CRNKL1: variants seen among roughly 807,000 people sequenced by gnomAD.
CRNKL1 encodes crooked neck-like protein 1.
In CRNKL1, 35 loss-of-function variants were observed where a neutral mutation model predicts 103.7. That is an observed-to-expected ratio of 0.34 (90% CI 0.26 to 0.45). CRNKL1 has a LOEUF of 0.45. Among genes scored for constraint, CRNKL1 ranks in the 20% least tolerant of loss-of-function variants. CRNKL1 has a pLI of 1.00. For missense variants in CRNKL1, 645 were observed against 836.0 expected, an observed-to-expected ratio of 0.77 and a Z score of 2.82; for synonymous variants, 267 against 282.6, an observed-to-expected ratio of 0.94 and a Z score of 0.55.
At chr20:20,041,303 G>A (rs2043510802) in intron 9 of CRNKL1, among the ~76,000 whole-genome samples, 1 of 152,204 alleles carries the variant, frequency 6.6e-6, no homozygotes, top group Admixed American at 6.5e-5. Flanking sequence ...TCTCTGCATG[G>A]ATGTCTTTCT....
intron 10 of CRNKL1, among the ~76,000 whole-genome samples, chr20:20,040,411 C>T (rs1426620362): frequency 6.6e-6 from 1 of 151,326 alleles, no homozygotes; most frequent in Non-Finnish European, 1.5e-5. Flanking sequence ...GATCAGATTA[C>T]TAATTCCAGT....
intron 6 of CRNKL1, 28 bp from the exon 7 acceptor site, chr20:20,043,690 T>C: frequency 1.3e-6 from 2 of 1,591,454 alleles, no homozygotes; most frequent in East Asian, 4.5e-5. Flanking sequence ...GATTACCTTC[T>C]ATAACACAAT....
In CRNKL1 at chr20:20,034,380, T is replaced by TATC. The variant is rs757155171; in HGVS notation, c.*1812_*1814dup. On this transcript the variant is annotated 3_prime_UTR_variant, in exon 14 of 14. Transcript: ENST00000536226. ...CCACAAGAAATTATTAAACTTTTAC[T>TATC]ATCGAAAGGATTTACTTTGGTGGAG... 2 of 152,184 alleles carry TATC rather than the reference T, an allele frequency of 1.3e-5. No individual in the cohort carries two copies. Among genetic ancestry groups the TATC allele is most frequent in the East Asian group, 1.9e-4 (1 of 5,200 alleles). The allele number at this position is 152,184 out of a possible 1,614,324, so 9.4% of individuals were successfully genotyped here.
At position 20,036,149 on chromosome 20, in the gene CRNKL1, CA is replaced by C. The variant is rs2043415259; in HGVS notation, c.*45del. On this transcript the variant is annotated 3_prime_UTR_variant, in exon 14 of 14. Transcript: ENST00000536226. ...TTCCAGGAGTCACAAGAGTTCCAAA[CA>C]ATTAATTTATAAAAATAACAAAACA... is the stretch of plus-strand genomic sequence containing the variant. 6.3e-7 allele frequency: 1 copy of C among 1,586,888 alleles called. No homozygotes were observed. The highest frequency in any genetic ancestry group is 8.6e-7 in the Non-Finnish European group (1 of 1,163,880).
intron 6 of CRNKL1, among the ~76,000 whole-genome samples, chr20:20,044,606 T>C (rs1054953306): frequency 2.6e-5 from 4 of 152,174 alleles, no homozygotes; most frequent in Admixed American, 1.3e-4. Flanking sequence ...TGGATCTCAA[T>C]TCTGTATTAT....
rs1309453899 is a variant in CRNKL1, at chr20:20,035,335, T to C, written c.*860A>G. ...ATAAAGAGATTTGATTAACGAGACT[T>C]AAGTCTTAGTCCAGAATTTCCCAAA... On this transcript the variant is annotated 3_prime_UTR_variant, in exon 14 of 14. Transcript: ENST00000536226. 6.6e-6 allele frequency: 1 copy of C among 152,182 alleles called. No homozygotes were observed. The highest frequency in any genetic ancestry group is 1.9e-4 in the East Asian group (1 of 5,196). 9.4% of individuals were successfully genotyped at this position (152,182 alleles called of 1,614,324 possible).
At position 20,045,409 on chromosome 20, in the gene CRNKL1, C is replaced by T; in HGVS notation, c.700G>A (p.Ala234Thr). Residue 234 changes from alanine to threonine, a missense_variant, in exon 6 of 14, where the codon GCA becomes ACA. Coordinates refer to ENST00000536226, the MANE Select transcript of CRNKL1 (RefSeq NM_001278628.2). Reference sequence around the variant, plus strand: ...ACAGCTCTCTCATACACTTTCCGTGCATGGGCAAAATAAGCATGTTTTTCT... The same window carrying T: ...ACAGCTCTCTCATACACTTTCCGTGTATGGGCAAAATAAGCATGTTTTTCT... ...FEEKHAYFAH[A>T]RKVYERAVEF... 6.2e-7 allele frequency: 1 copy of T among 1,613,532 alleles called. No individual in the cohort carries two copies. Among genetic ancestry groups the T allele is most frequent in the Non-Finnish European group, 8.5e-7 (1 of 1,179,822 alleles).
intron 9 of CRNKL1, 150 bp from the exon 10 acceptor site, chr20:20,040,916 A>G (rs2043502462): frequency 3.2e-6 from 2 of 620,070 alleles, no homozygotes; most frequent in Non-Finnish European, 5.6e-6. Context: ...ATTTACAAGC[A>G]AAGACCACAT....
rs754933661 is a variant in CRNKL1 at position 20,038,433 on chromosome 20, A to G, written c.1563T>C (p.Tyr521=). The change falls in exon 12 of 14, where the codon TAT becomes TAC. Residue 521 remains tyrosine (Y), a synonymous_variant. Coordinates refer to ENST00000536226, the MANE Select transcript of CRNKL1 (RefSeq NM_001278628.2). ...CTTCCTGCTCAATTTCAAAATCAAT[A>G]TATGATTTCCAAAGCACCTAAGGAA... ...LDMPEVLWKS[Y]IDFEIEQEET... The G allele has an allele frequency of 4.5e-6, 7 of 1,550,580 alleles. No individual in the cohort carries two copies. Among genetic ancestry groups the G allele is most frequent in the East Asian group, 2.4e-5 (1 of 40,960 alleles).
In CRNKL1 at chr20:20,043,760, A is replaced by G. The variant is rs1244598248; in HGVS notation, c.802-98T>C. 4.4e-6 allele frequency: 5 copies of G among 1,143,092 alleles called. No individual in the cohort carries two copies. In the East Asian group the frequency reaches 1.0e-4, roughly 23 times the overall value. The allele number at this position is 1,143,092 out of a possible 1,614,324, so 70.8% of individuals were successfully genotyped here. A position where few individuals can be genotyped will look rare whatever the true frequency, so the allele number is the denominator to read the frequency against. ...TAACAAAATATTACTTATAAGTTAGATTTTGAGGCCTCATAATATCCAGAG... is the reference window on the plus strand; with the variant it reads ...TAACAAAATATTACTTATAAGTTAGGTTTTGAGGCCTCATAATATCCAGAG... On this transcript the variant is annotated intron_variant, in intron 6 of 13. Coordinates refer to ENST00000536226, the MANE Select transcript of CRNKL1 (RefSeq NM_001278628.2).
upstream of CRNKL1, chr20:20,052,897 G>A (rs2043867044): frequency 3.2e-6 from 2 of 625,056 alleles, no homozygotes; most frequent in African/African-American, 3.9e-5. Context: ...CTCGTTTCTG[G>A]TTTCGGGACA....
Position 20,047,828 on chromosome 20 carries a change from A to G in CRNKL1, c.559T>C (p.Ser187Pro). Reference sequence around the variant, plus strand: ...TATCTCAGCTCAAAGTTGATGTAGGAGTGCCAGGCTTGCTCCTCAGGCTGC... The same window carrying G: ...TATCTCAGCTCAAAGTTGATGTAGGGGTGCCAGGCTTGCTCCTCAGGCTGC... ...EWQPEEQAWHSYINFELRYKE... is the reference protein window; with the variant it reads ...EWQPEEQAWHPYINFELRYKE... Residue 187 changes from serine to proline, a missense_variant, in exon 5 of 14, where the codon TCC (serine) becomes CCC (proline). Ser to Pro is a moderately conservative substitution (Grantham distance 74). Around this residue, in one of 2 missense-constraint regions of CRNKL1, gnomAD observed 582 missense variants for 707.7 expected, o/e 0.82. Transcript: ENST00000536226. 6.2e-7 allele frequency: 1 copy of G among 1,614,222 alleles called. No homozygotes were observed. The highest frequency in any genetic ancestry group is 8.5e-7 in the Non-Finnish European group (1 of 1,180,046).
chr20:20,051,107 T>C (rs1185930904), intron 1 of CRNKL1, among the ~76,000 whole-genome samples: 1 of 152,202 alleles, frequency 6.6e-6, no homozygotes, highest in East Asian at 1.9e-4. Flanking sequence ...TGTAAGCTTC[T>C]TGAGGTCTTA....
At position 20,048,593 on chromosome 20, in the gene CRNKL1, T is replaced by C. The variant is rs574749356; in HGVS notation, c.297-92A>G. On this transcript the variant is annotated intron_variant, in intron 3 of 13. Transcript: ENST00000536226. The stretch of plus-strand genomic sequence containing the variant: ...CTATCTGGAATGCACTGATGTTTTA[T>C]TAGGTGTCTACCATGAGCCAAGTTC... 5.2e-5 allele frequency: 69 copies of C among 1,332,998 alleles called. No individual in the cohort carries two copies. In the African/African-American group the frequency reaches 8.1e-4, roughly 16 times the overall value. The allele number at this position is 1,332,998 out of a possible 1,614,324, so 82.6% of individuals were successfully genotyped here.
chr20:20,046,690 G>A (rs2043599155), intron 5 of CRNKL1, among the ~76,000 whole-genome samples: 2 of 152,304 alleles, frequency 1.3e-5, no homozygotes, highest in South Asian at 4.1e-4. Flanking sequence ...CTGCCCCACT[G>A]ACAGGGATTC....
intron 13 of CRNKL1, among the ~76,000 whole-genome samples, chr20:20,037,068 T>C (rs1444331403): frequency 6.6e-6 from 1 of 152,168 alleles, no homozygotes; most frequent in East Asian, 1.9e-4. Flanking sequence ...TCTAAAAATA[T>C]CACACTTCAT....
At chr20:20,039,583 A>T in intron 11 of CRNKL1, 26 bp downstream of exon 11, 1 of 1,611,634 alleles carries the variant, frequency 6.2e-7, no homozygotes, top group Non-Finnish European at 8.5e-7. Flanking sequence ...TCTCAAACAA[A>T]ATTATATTTG....
chr20:20,038,312 C>A lies in CRNKL1; in HGVS notation c.1647+37G>T, dbSNP rs775650884. 15 of 1,306,102 alleles carry A rather than the reference C, an allele frequency of 1.1e-5. No individual in the cohort carries two copies. In the South Asian group the frequency reaches 1.8e-4, roughly 16 times the overall value. 80.9% of individuals were successfully genotyped at this position (1,306,102 alleles called of 1,614,324 possible). On this transcript the variant is annotated intron_variant, in intron 12 of 13. Transcript: ENST00000536226. The stretch of plus-strand genomic sequence containing the variant: ...ATCATTTTCTTCTGGACTGCTGATT[C>A]AAGCAAAATGAAAGATCATCTACAA...
At chr20:20,053,231 G>T (rs1158873827), upstream of CRNKL1, among the ~76,000 whole-genome samples, 4 of 150,240 alleles carry the variant, frequency 2.7e-5, no homozygotes, top group South Asian at 2.1e-4. Context: ...AAGGTTAAGA[G>T]AATTTTTTTT....
Sources: allele counts gnomAD v4.1 joint callset (sites outside exome capture counted in the v4.1 genomes callset), GRCh38; gene constraint gnomAD v4.1.1; regional missense constraint gnomAD v4.1.1; transcripts MANE v1.5; gene names NCBI Gene and HGNC (gene_info 2026-07-23, HGNC 2026-07-21).